Variants in C13orf42 observed in about 807,000 individuals in gnomAD.
The protein encoded by C13orf42 is chromosome 13 open reading frame 42.
intron 1 of C13orf42, among the ~76,000 whole-genome samples, chr13:51,091,924 C>A (rs776024149): frequency 9.2e-5 from 14 of 152,204 alleles, no homozygotes; most frequent in Non-Finnish European, 1.6e-4. Flanking sequence ...GGGGCCCAGA[C>A]TCCTCATGTC....
chr13:51,124,366 G>T (rs1418734068), intron 1 of C13orf42, among the ~76,000 whole-genome samples: 1 of 152,136 alleles, frequency 6.6e-6, no homozygotes, highest in East Asian at 1.9e-4. Flanking sequence ...TCTCTCTATT[G>T]CAATTCCCCT....
intron 1 of C13orf42, among the ~76,000 whole-genome samples, chr13:51,128,314 CCTT>C (rs1953590982): frequency 6.6e-6 from 1 of 152,172 alleles, no homozygotes; most frequent in African/African-American, 2.4e-5. Flanking sequence ...GATCCAAGAA[CCTT>C]CTCTTGGGAT....
chr13:51,166,359 C>T (rs533269153), intron 1 of C13orf42, among the ~76,000 whole-genome samples: 8 of 147,120 alleles, frequency 5.4e-5, no homozygotes, highest in East Asian at 2.0e-4. Context: ...AACCAAACAC[C>T]GCATATTCTC....
chr13:51,111,301 C>T (rs1953430771), upstream of C13orf42: 1 of 397,596 alleles, frequency 2.5e-6, no homozygotes. Flanking sequence ...ATCCAGGCCT[C>T]GCACCATCTG....
At chr13:51,090,723 T>A (rs1028366647) in intron 1 of C13orf42, among the ~76,000 whole-genome samples, 10 of 152,186 alleles carry the variant, frequency 6.6e-5, no homozygotes, top group Non-Finnish European at 1.0e-4. Context: ...TGCTGTTAAT[T>A]GTTAAAGAGT....
chr13:51,113,590 G>A (rs368993145), upstream of C13orf42, among the ~76,000 whole-genome samples: 1 of 143,442 alleles, frequency 7.0e-6, no homozygotes, highest in Non-Finnish European at 1.6e-5. Context: ...GTGTGTGTGT[G>A]TGTACGTGTG....
chr13:51,088,884 A>G (rs1038079941), intron 1 of C13orf42, among the ~76,000 whole-genome samples: 1 of 152,140 alleles, frequency 6.6e-6, no homozygotes, highest in African/African-American at 2.4e-5. Context: ...TCCCTTCATG[A>G]TCTTCACAAC....
intron 1 of C13orf42, among the ~76,000 whole-genome samples, chr13:51,101,679 GATAA>G (rs1166643727): frequency 6.6e-6 from 1 of 152,170 alleles, no homozygotes; most frequent in Non-Finnish European, 1.5e-5. Context: ...GAGTTAAAAA[GATAA>G]ATAAGATATA....
intron 1 of C13orf42, among the ~76,000 whole-genome samples, chr13:51,161,228 G>T (rs903058322): frequency 6.6e-6 from 1 of 150,732 alleles, no homozygotes; most frequent in African/African-American, 2.4e-5. Flanking sequence ...TTATTGTTAA[G>T]TATAACTGTC....
chr13:51,126,734 G>C (rs1953580554), intron 1 of C13orf42, among the ~76,000 whole-genome samples: 2 of 152,192 alleles, frequency 1.3e-5, no homozygotes, highest in African/African-American at 4.8e-5. Context: ...GAATTACCAG[G>C]GGAGGTTCTT....
At chr13:51,167,998 T>C (rs1197120512) in intron 1 of C13orf42, among the ~76,000 whole-genome samples, 1 of 152,222 alleles carries the variant, frequency 6.6e-6, no homozygotes, top group Non-Finnish European at 1.5e-5. Context: ...GAAGATGAAA[T>C]TCCCATGAGC....
At chr13:51,171,511 A>G (rs992084252) in intron 1 of C13orf42, among the ~76,000 whole-genome samples, 20 of 151,768 alleles carry the variant, frequency 1.3e-4, no homozygotes, top group African/African-American at 2.2e-4. Flanking sequence ...TTCCTTTTCT[A>G]CAGACCCATC....
At chr13:51,118,449 C>T (rs984910611) in intron 1 of C13orf42, among the ~76,000 whole-genome samples, 1 of 152,150 alleles carries the variant, frequency 6.6e-6, no homozygotes, top group Non-Finnish European at 1.5e-5. Context: ...ACACTGATTG[C>T]TTTGTGGGGC....
chr13:51,106,853 A>G (rs769549727), intron 1 of C13orf42, among the ~76,000 whole-genome samples: 3 of 152,214 alleles, frequency 2.0e-5, no homozygotes, highest in Non-Finnish European at 4.4e-5. Flanking sequence ...ACCTTTTAGC[A>G]CCTAAACAAT....
intron 1 of C13orf42, among the ~76,000 whole-genome samples, chr13:51,141,114 G>GTT (rs1199501989): frequency 6.7e-6 from 1 of 150,308 alleles, no homozygotes; most frequent in Non-Finnish European, 1.5e-5. Context: ...GTGTGTGTGT[G>GTT]TGTGTGTGTG....
upstream of C13orf42, among the ~76,000 whole-genome samples, chr13:51,115,254 T>G (rs1953479472): frequency 1.3e-5 from 2 of 152,212 alleles, no homozygotes; most frequent in Admixed American, 1.3e-4. Context: ...CCATCCTTAA[T>G]AATATTCAGC....
intron 1 of C13orf42, among the ~76,000 whole-genome samples, chr13:51,159,136 AC>A (rs1229351379): frequency 6.6e-6 from 1 of 152,014 alleles, no homozygotes; most frequent in African/African-American, 2.4e-5. Context: ...TATGTTCCCC[AC>A]CACCCCCACC....
At chr13:51,160,204 T>C (rs772789681) in intron 1 of C13orf42, among the ~76,000 whole-genome samples, 12 of 152,200 alleles carry the variant, frequency 7.9e-5, no homozygotes, top group Non-Finnish European at 1.6e-4. Flanking sequence ...GGTGACACAA[T>C]GCCAATGTTT....
chr13:51,114,641 TAGATAGAGATAGAC>T (rs1953468724), upstream of C13orf42, among the ~76,000 whole-genome samples: 1 of 92,054 alleles, frequency 1.1e-5, no homozygotes, highest in African/African-American at 4.4e-5. Flanking sequence ...GATAGATAGA[TAGATAGAGATAGAC>T]AGACAGACAG....
Sources: gnomAD v4.1 joint callset for allele counts (sites outside exome capture counted in the v4.1 genomes callset) on GRCh38, gnomAD v4.1.1 for gene constraint, MANE v1.5 for transcripts, NCBI Gene and HGNC (gene_info 2026-07-23, HGNC 2026-07-21) for gene names.